KSR2: variants seen among roughly 807,000 people sequenced by gnomAD.
KSR2 encodes kinase suppressor of ras 2.
A neutral mutation model predicts 107.8 loss-of-function variants in KSR2; 25 were observed. The observed-to-expected ratio is 0.23, with a 90% CI of 0.17 to 0.32. KSR2 has a LOEUF of 0.32. Ranked by LOEUF, KSR2 falls within the 10% of genes least tolerant of loss-of-function variation. The pLI, the probability that KSR2 is intolerant of heterozygous loss-of-function variation, is 1.00. For missense variants in KSR2, 887 were observed against 1,268.9 expected, an observed-to-expected ratio of 0.70 and a Z score of 4.57; for synonymous variants, 480 against 507.0, an observed-to-expected ratio of 0.95 and a Z score of 0.71.
rs749644102 is a variant in KSR2 at position 117,485,674 on chromosome 12, G to A, written c.2237C>T (p.Thr746Met). The change falls in exon 15 of 20, where the codon ACG (threonine) becomes ATG (methionine). Residue 746 changes from threonine to methionine, a missense_variant. Coordinates refer to ENST00000339824, the MANE Select transcript of KSR2 (RefSeq NM_173598.6). Reference sequence around the variant, plus strand: ...GGCATCCCTCACAACGGAATAGAGCGTCCGTCCCTTACAGAGGCTGAAAAG... The same window carrying A: ...GGCATCCCTCACAACGGAATAGAGCATCCGTCCCTTACAGAGGCTGAAAAG... Reference protein sequence around the residue: ...AIITSLCKGRTLYSVVRDAKI... With the variant: ...AIITSLCKGRMLYSVVRDAKI... 7 of 1,612,810 alleles carry A rather than the reference G, an allele frequency of 4.3e-6. No individual in the cohort carries two copies. The highest frequency in any genetic ancestry group is 1.3e-5 in the African/African-American group (1 of 74,918).
intron 1 of KSR2, among the ~76,000 whole-genome samples, 182 bp from the exon 2 acceptor site, chr12:117,860,613 A>T (rs1271307321): frequency 6.6e-6 from 1 of 152,154 alleles, no homozygotes; most frequent in Admixed American, 6.5e-5. Flanking sequence ...AGATGGTCAA[A>T]CAGGCGGCTC....
At chr12:117,501,345 C>T (rs190818832) in intron 14 of KSR2, among the ~76,000 whole-genome samples, 7 of 152,264 alleles carry the variant, frequency 4.6e-5, no homozygotes, top group African/African-American at 1.7e-4. Context: ...TTTGCTGACC[C>T]CTGCTCTAAG....
chr12:117,532,493 A>C (rs1404260529), intron 10 of KSR2, among the ~76,000 whole-genome samples: 5 of 152,188 alleles, frequency 3.3e-5, no homozygotes, highest in Non-Finnish European at 7.3e-5. Flanking sequence ...CCATAACTTA[A>C]TCATATCTTC....
intron 12 of KSR2, among the ~76,000 whole-genome samples, chr12:117,530,702 G>T (rs1444759160): frequency 6.6e-6 from 1 of 152,134 alleles, no homozygotes; most frequent in Non-Finnish European, 1.5e-5. Context: ...GAGACACAAG[G>T]CATAGCTGCT....
intron 9 of KSR2, among the ~76,000 whole-genome samples, chr12:117,547,823 G>A (rs1427690762): frequency 6.6e-6 from 1 of 152,154 alleles, no homozygotes; most frequent in African/African-American, 2.4e-5. Context: ...GCGGCCAGGT[G>A]CAGTGGCTCA....
At chr12:117,552,665 G>C (rs1161709039) in intron 9 of KSR2, among the ~76,000 whole-genome samples, 1 of 152,064 alleles carries the variant, frequency 6.6e-6, no homozygotes, top group Non-Finnish European at 1.5e-5. Flanking sequence ...CTAAATCAGG[G>C]GTCAGAAAAC....
At chr12:117,613,374 C>T (rs1404968985) in intron 5 of KSR2, among the ~76,000 whole-genome samples, 1 of 152,206 alleles carries the variant, frequency 6.6e-6, no homozygotes, top group Admixed American at 6.5e-5. Context: ...GTCCCAGACC[C>T]AGCTGAGTCC....
intron 14 of KSR2, among the ~76,000 whole-genome samples, chr12:117,520,640 C>T (rs565893305): frequency 6.6e-6 from 1 of 152,206 alleles, no homozygotes; most frequent in East Asian, 1.9e-4. Context: ...CTGTCGTTGC[C>T]TTTGCACTAG....
At chr12:117,605,404 A>C (rs1881170628) in intron 5 of KSR2, among the ~76,000 whole-genome samples, 1 of 151,960 alleles carries the variant, frequency 6.6e-6, no homozygotes, top group South Asian at 2.1e-4. Context: ...TTTATTTTTT[A>C]AGTTCCAGGC....
At chr12:117,829,188 T>G (rs1399702300) in intron 3 of KSR2, among the ~76,000 whole-genome samples, 1 of 152,204 alleles carries the variant, frequency 6.6e-6, no homozygotes, top group Non-Finnish European at 1.5e-5. Context: ...TTCATCTCCC[T>G]AATCCTCTTC....
chr12:117,938,560 T>TAATAAATAAATAAATA (rs80030527), intron 1 of KSR2, among the ~76,000 whole-genome samples: 11 of 147,568 alleles, frequency 7.5e-5, no homozygotes, highest in Admixed American at 2.0e-4. Context: ...AGTATAATAA[T>TAATAAATAAATAAATA]AATAAATAAA....
chr12:117,826,801 A>G (rs138124829), intron 3 of KSR2, among the ~76,000 whole-genome samples: 93 of 152,128 alleles, frequency 6.1e-4, no homozygotes, highest in African/African-American at 2.2e-3. Context: ...AACATCATGG[A>G]CAGCTGGGCG....
chr12:117,721,459 C>A (rs933960507), intron 4 of KSR2, among the ~76,000 whole-genome samples: 1 of 152,262 alleles, frequency 6.6e-6, no homozygotes, highest in African/African-American at 2.4e-5. Flanking sequence ...GGGATTTCTA[C>A]TGTTGTCCCA....
Position 117,864,079 on chromosome 12 carries a change from C to A in KSR2, c.181-3648G>T, listed in dbSNP as rs117398427. 8.6e-3 allele frequency among the ~76,000 whole-genome samples: 1,307 copies of A among 152,170 alleles called. 11 individuals carry two copies. The highest frequency in any genetic ancestry group is 9.3e-3 in the Non-Finnish European group (635 of 67,990). On this transcript the variant is annotated intron_variant, in intron 1 of 19. Coordinates refer to ENST00000339824, the MANE Select transcript of KSR2 (RefSeq NM_173598.6). ...AAATGATTGGGGGACTGTTATTTAG[C>A]CCACCACACCTGTGCACTTACCCGG...
chr12:117,519,951 C>T (rs957046894), intron 14 of KSR2, among the ~76,000 whole-genome samples: 17 of 152,134 alleles, frequency 1.1e-4, no homozygotes, highest in African/African-American at 3.4e-4. Flanking sequence ...TCCCCTGGCA[C>T]TTACTAAAAA....
intron 3 of KSR2, among the ~76,000 whole-genome samples, chr12:117,853,836 CAGG>C (rs1229442309): frequency 7.2e-5 from 11 of 152,066 alleles, no homozygotes; most frequent in African/African-American, 2.7e-4. Flanking sequence ...GCTCGTCAGC[CAGG>C]AGTGATTTTG....
At chr12:117,637,700 G>A (rs1460272156) in intron 5 of KSR2, among the ~76,000 whole-genome samples, 1 of 9,128 alleles carries the variant, frequency 1.1e-4, no homozygotes, top group East Asian at 9.8e-3. Flanking sequence ...TTTTTTTTTT[G>A]AGACAGAGTC....
At chr12:117,507,680 G>A (rs982261825) in intron 14 of KSR2, among the ~76,000 whole-genome samples, 4 of 152,092 alleles carry the variant, frequency 2.6e-5, no homozygotes, top group Non-Finnish European at 5.9e-5. Flanking sequence ...TTTCTTGAGT[G>A]GGTTAAACCT....
intron 3 of KSR2, among the ~76,000 whole-genome samples, chr12:117,824,653 G>A (rs1204333235): frequency 6.6e-6 from 1 of 151,764 alleles, no homozygotes; most frequent in African/African-American, 2.4e-5. Context: ...TCAGGAGATC[G>A]AGACCATCCT....
Sources: gnomAD v4.1 joint callset for allele counts (sites outside exome capture counted in the v4.1 genomes callset) on GRCh38, gnomAD v4.1.1 for gene constraint, MANE v1.5 for transcripts, NCBI Gene and HGNC (gene_info 2026-07-23, HGNC 2026-07-21) for gene names.